DLG2: variants seen among roughly 807,000 people sequenced by gnomAD.
DLG2 encodes the protein disks large homolog 2.
DLG2 carries 45 observed loss-of-function variants against 132.5 expected under a neutral mutation model. The observed-to-expected ratio is 0.34, with a 90% CI of 0.27 to 0.44. The LOEUF (loss-of-function observed/expected upper bound fraction) is 0.44, where lower values mean the gene tolerates loss of function less well. DLG2 is among the 20% of genes least tolerant of loss of function. The pLI is 1.00. For missense variants in DLG2, 1,045 were observed against 1,196.9 expected, an observed-to-expected ratio of 0.87 and a Z score of 1.87; for synonymous variants, 424 against 419.6, an observed-to-expected ratio of 1.01 and a Z score of -0.13.
chr11:85,460,563 T>C (rs1261013529), intron 3 of DLG2, among the ~76,000 whole-genome samples: 1 of 152,212 alleles, frequency 6.6e-6, no homozygotes, highest in African/African-American at 2.4e-5. Flanking sequence ...TGATGAACCC[T>C]AATGTTTCCA....
At chr11:83,624,563 T>C (rs982514026) in intron 19 of DLG2, among the ~76,000 whole-genome samples, 1 of 152,194 alleles carries the variant, frequency 6.6e-6, no homozygotes, top group African/African-American at 2.4e-5. Context: ...AAGGCACCAG[T>C]TTAGGAGGCA....
rs1418963350 is a variant in DLG2, at chr11:83,906,077, CTCTCTATATATA to C, written c.1496+24239_1496+24250del. Reference sequence around the variant, plus strand: ...TGTCTCTCTCTCTCTCTCTCTCTCTCTCTCTATATATATATATATATATATATACATATATAG... The same window carrying C: ...TGTCTCTCTCTCTCTCTCTCTCTCTCTATATATATATATATACATATATAG... On this transcript the variant is annotated intron_variant, in intron 15 of 27. Coordinates refer to ENST00000376104, the MANE Select transcript of DLG2 (RefSeq NM_001142699.3). Among the ~76,000 whole-genome samples the C allele has an allele frequency of 7.2e-5, 7 of 97,186 alleles. No homozygotes were observed. In the South Asian group the frequency reaches 1.5e-3, roughly 21 times the overall value. 63.8% of individuals were successfully genotyped at this position (97,186 alleles called of 152,430 possible). A position where few individuals can be genotyped will look rare whatever the true frequency, so the allele number is the denominator to read the frequency against.
intron 7 of DLG2, among the ~76,000 whole-genome samples, chr11:84,279,325 T>C (rs2097825420): frequency 6.6e-6 from 1 of 152,104 alleles, no homozygotes; most frequent in South Asian, 2.1e-4. Flanking sequence ...CTGGAGAGAA[T>C]GTGGAGAAAT....
At chr11:83,867,778 C>T (rs943630281) in intron 16 of DLG2, among the ~76,000 whole-genome samples, 1 of 152,098 alleles carries the variant, frequency 6.6e-6, no homozygotes, top group Non-Finnish European at 1.5e-5. Context: ...GAATTAGAAC[C>T]CATGTCTTCA....
At chr11:84,406,077 C>A (rs76471179) in intron 7 of DLG2, among the ~76,000 whole-genome samples, 1,539 of 152,204 alleles carry the variant, frequency 0.01, 23 homozygotes, top group African/African-American at 0.034. Context: ...TCTTTACAAG[C>A]AACTCTAGTG....
chr11:83,959,015 T>C (rs1333409820), intron 14 of DLG2, among the ~76,000 whole-genome samples: 2 of 152,112 alleles, frequency 1.3e-5, no homozygotes, highest in Admixed American at 6.6e-5. Context: ...AAAAACAATC[T>C]CAGTATTGTT....
intron 6 of DLG2, among the ~76,000 whole-genome samples, chr11:84,926,789 G>A (rs1201034665): frequency 2.0e-5 from 3 of 152,006 alleles, no homozygotes; most frequent in Non-Finnish European, 4.4e-5. Context: ...TAGAAACTGT[G>A]AGGGGATTTA....
chr11:85,277,880 T>C (rs1394503235), intron 4 of DLG2, among the ~76,000 whole-genome samples: 2 of 152,174 alleles, frequency 1.3e-5, no homozygotes, highest in African/African-American at 4.8e-5. Context: ...TGTCACCGGT[T>C]TCTCTTGTCT....
intron 18 of DLG2, 95 bp from the exon 19 acceptor site, chr11:83,633,420 T>C: frequency 1.0e-6 from 1 of 953,240 alleles, no homozygotes; most frequent in Non-Finnish European, 1.7e-6. Context: ...ACGTTGTTGG[T>C]TCCTTTGCCA....
At chr11:84,438,425 A>C (rs1335572767) in intron 7 of DLG2, among the ~76,000 whole-genome samples, 1 of 152,114 alleles carries the variant, frequency 6.6e-6, no homozygotes, top group Non-Finnish European at 1.5e-5. Context: ...CAGGGGTTCA[A>C]ATCGAGTGTT....
intron 3 of DLG2, among the ~76,000 whole-genome samples, chr11:85,339,307 C>A (rs1229430684): frequency 6.6e-6 from 1 of 152,046 alleles, no homozygotes; most frequent in African/African-American, 2.4e-5. Context: ...AGAAACCATG[C>A]TATAATGAAT....
chr11:84,842,901 C>G (rs1566119646), intron 6 of DLG2, among the ~76,000 whole-genome samples: 1 of 151,862 alleles, frequency 6.6e-6, no homozygotes. Context: ...CCAACACACA[C>G]AGCAAAAATT....
chr11:83,522,306 G>C (rs1020902460), intron 21 of DLG2, among the ~76,000 whole-genome samples: 1 of 145,484 alleles, frequency 6.9e-6, no homozygotes, highest in Non-Finnish European at 1.5e-5. Context: ...TGCTATAGCT[G>C]TGTGTATATG....
intron 9 of DLG2, among the ~76,000 whole-genome samples, chr11:84,118,479 C>A (rs1458409432): frequency 6.6e-6 from 1 of 152,150 alleles, no homozygotes. Context: ...GAAGTATAGC[C>A]TAAATCATTT....
intron 17 of DLG2, among the ~76,000 whole-genome samples, chr11:83,804,606 A>ACACACACACACACACACG (rs1256237359): frequency 1.3e-5 from 2 of 151,748 alleles, no homozygotes; most frequent in African/African-American, 4.8e-5. Context: ...ACACACACAC[A>ACACACACACACACACACG]CAGACACACA....
chr11:84,383,725 G>A (rs2098757452), intron 7 of DLG2, among the ~76,000 whole-genome samples: 1 of 152,100 alleles, frequency 6.6e-6, no homozygotes, highest in Admixed American at 6.6e-5. Flanking sequence ...AACAATCCAA[G>A]TAAGCTGGAA....
chr11:84,577,752 A>T (rs2099505533), intron 6 of DLG2, among the ~76,000 whole-genome samples: 1 of 152,208 alleles, frequency 6.6e-6, no homozygotes, highest in African/African-American at 2.4e-5. Flanking sequence ...GGAAAAATTC[A>T]AGCTGGCTGC....
intron 6 of DLG2, among the ~76,000 whole-genome samples, chr11:84,730,333 C>T (rs2063009321): frequency 6.6e-6 from 1 of 151,874 alleles, no homozygotes; most frequent in African/African-American, 2.4e-5. Context: ...ACTAAAATGC[C>T]ACATGTAAAA....
intron 7 of DLG2, among the ~76,000 whole-genome samples, chr11:84,467,212 C>A (rs1032072196): frequency 6.6e-6 from 1 of 151,240 alleles, no homozygotes; most frequent in African/African-American, 2.4e-5. Context: ...CTAGGAAAAT[C>A]TGATAACAAT....
Sources: gnomAD v4.1 joint callset for allele counts (sites outside exome capture counted in the v4.1 genomes callset) on GRCh38, gnomAD v4.1.1 for gene constraint, MANE v1.5 for transcripts, NCBI Gene and HGNC (gene_info 2026-07-23, HGNC 2026-07-21) for gene names.